The following LRBA variants were observed in gnomAD, a reference collection of about 807,000 sequenced individuals.
The protein encoded by LRBA is LPS responsive beige-like anchor protein.
Under a neutral mutation model 330.0 loss-of-function variants are expected in LRBA, and 176 were observed. The ratio of observed to expected loss-of-function variants is 0.53; its 90% confidence interval spans 0.47 to 0.60. The LOEUF (loss-of-function observed/expected upper bound fraction) is 0.60, where lower values mean the gene tolerates loss of function less well. LRBA is among the 20% of genes least tolerant of loss of function. LRBA has a pLI of 0.00. For synonymous variants in LRBA, 1,230 were observed against 1,193.0 expected, an observed-to-expected ratio of 1.03 and a Z score of -0.64; for missense variants, 3,259 against 3,444.8, an observed-to-expected ratio of 0.95 and a Z score of 1.35.
intron 2 of LRBA, among the ~76,000 whole-genome samples, chr4:151,011,386 T>C (rs553383872): frequency 1.3e-5 from 2 of 151,874 alleles, no homozygotes; most frequent in Non-Finnish European, 1.5e-5. Flanking sequence ...TCACCTGAGG[T>C]CAAGATTTTG....
chr4:150,836,106 T>C (rs1046034872), intron 28 of LRBA, among the ~76,000 whole-genome samples: 2 of 152,238 alleles, frequency 1.3e-5, no homozygotes, highest in Non-Finnish European at 2.9e-5. Flanking sequence ...ATTACGTTTA[T>C]TGATTTCCAT....
At chr4:150,423,760 T>C (rs1749155355) in intron 46 of LRBA, 1 of 172,344 alleles carries the variant, frequency 5.8e-6, no homozygotes, top group Admixed American at 6.3e-5. Flanking sequence ...CTCCGTCCCC[T>C]TAGGGGACGC....
intron 37 of LRBA, among the ~76,000 whole-genome samples, chr4:150,617,357 C>T (rs1421040279): frequency 1.3e-5 from 2 of 152,140 alleles, no homozygotes; most frequent in Non-Finnish European, 2.9e-5. Flanking sequence ...TAACAAGTAG[C>T]GCTGGCTGGA....
chr4:150,393,012 T>TA (rs879480519), intron 47 of LRBA, among the ~76,000 whole-genome samples: 66 of 144,796 alleles, frequency 4.6e-4, no homozygotes, highest in Middle Eastern at 3.5e-3. Flanking sequence ...AACTTAAAGT[T>TA]AAAAAAAAAA....
At chr4:150,935,178 GAAAA>G (rs11294903) in intron 2 of LRBA, among the ~76,000 whole-genome samples, 1 of 138,708 alleles carries the variant, frequency 7.2e-6, no homozygotes. Flanking sequence ...TCCGTCTCAC[GAAAA>G]AAAAAAAAAA....
intron 2 of LRBA, among the ~76,000 whole-genome samples, chr4:150,964,163 G>A (rs1468842314): frequency 6.7e-6 from 1 of 148,850 alleles, no homozygotes; most frequent in Non-Finnish European, 1.5e-5. Context: ...CCCCGTCTGG[G>A]AGGTGGGGGG....
chr4:150,742,188 C>T (rs897405486), intron 35 of LRBA, among the ~76,000 whole-genome samples: 3 of 149,494 alleles, frequency 2.0e-5, no homozygotes, highest in Non-Finnish European at 4.4e-5. Context: ...CTCTGTCACC[C>T]AGGCTGGAGT....
At chr4:150,942,049 A>C (rs556942272) in intron 2 of LRBA, among the ~76,000 whole-genome samples, 3 of 152,334 alleles carry the variant, frequency 2.0e-5, no homozygotes, top group South Asian at 4.1e-4. Context: ...TAAATGTAGA[A>C]TGTCACTAGA....
At chr4:150,625,524 C>A (rs1776759833) in intron 37 of LRBA, among the ~76,000 whole-genome samples, 1 of 151,720 alleles carries the variant, frequency 6.6e-6, no homozygotes, top group South Asian at 2.1e-4. Flanking sequence ...AACTTGAAAA[C>A]CTGCTCCACT....
At chr4:150,431,420 GCT>G (rs1352404012) in intron 46 of LRBA, among the ~76,000 whole-genome samples, 1 of 152,060 alleles carries the variant, frequency 6.6e-6, no homozygotes, top group East Asian at 1.9e-4. Context: ...CCAAAACAAT[GCT>G]CTGAATCTGC....
chr4:150,542,933 C>A (rs1765464813), intron 40 of LRBA, among the ~76,000 whole-genome samples: 1 of 151,832 alleles, frequency 6.6e-6, no homozygotes, highest in Admixed American at 6.6e-5. Context: ...AAAATTAGAC[C>A]AAAATAATTT....
chr4:150,346,698 GCAGTGAGCCAAGATTACACCATTGCACTC>G (rs1314261074), intron 48 of LRBA, among the ~76,000 whole-genome samples: 2 of 141,672 alleles, frequency 1.4e-5, no homozygotes, highest in Admixed American at 7.5e-5. Flanking sequence ...GGCGGAGGTT[GCAGTGAGCCAAGATTACACCATTGCACTC>G]CAGCCTGGCA....
chr4:150,639,777 ATATATGTGTGTGTG>A (rs1353613078), intron 37 of LRBA, among the ~76,000 whole-genome samples: 53 of 3,952 alleles, frequency 0.013, 15 homozygotes, highest in Middle Eastern at 0.14. Context: ...ATATATATAT[ATATATGTGTGTGTG>A]TATATATATA....
At chr4:150,374,778 T>C (rs929489236) in intron 47 of LRBA, among the ~76,000 whole-genome samples, 2 of 152,310 alleles carry the variant, frequency 1.3e-5, no homozygotes, top group African/African-American at 2.4e-5. Context: ...TAAGGGATAC[T>C]CAACTGGTAC....
chr4:150,704,062 T>A (rs1785378015), intron 36 of LRBA, among the ~76,000 whole-genome samples: 1 of 151,968 alleles, frequency 6.6e-6, no homozygotes. Context: ...ATTTTTTTAA[T>A]GTTAGCCAGG....
chr4:150,505,342 T>G (rs569436365), intron 40 of LRBA, among the ~76,000 whole-genome samples: 21,595 of 151,938 alleles, frequency 0.14, 1,506 homozygotes, highest in Middle Eastern at 0.18. Flanking sequence ...AAAGCACTCC[T>G]CAGCAAATGT....
At chr4:150,359,812 C>CTACTAAAAA (rs1490816639) in intron 47 of LRBA, among the ~76,000 whole-genome samples, 39 of 151,772 alleles carry the variant, frequency 2.6e-4, no homozygotes, top group Non-Finnish European at 4.4e-5. Context: ...AACCCCGTCT[C>CTACTAAAAA]TACTAAAAAT....
chr4:150,476,975 C>T (rs1756785508), intron 42 of LRBA, among the ~76,000 whole-genome samples: 1 of 152,166 alleles, frequency 6.6e-6, no homozygotes, highest in African/African-American at 2.4e-5. Context: ...CTCTCACGTC[C>T]TACTGGCTGA....
At chr4:150,576,361 A>G (rs1455534789) in intron 40 of LRBA, among the ~76,000 whole-genome samples, 3 of 151,958 alleles carry the variant, frequency 2.0e-5, no homozygotes, top group African/African-American at 7.2e-5. Context: ...GGTAAGGTCA[A>G]AAGACATATG....
Sources: allele counts gnomAD v4.1 joint callset (sites outside exome capture counted in the v4.1 genomes callset), GRCh38; gene constraint gnomAD v4.1.1; transcripts MANE v1.5; gene names NCBI Gene and HGNC (gene_info 2026-07-23, HGNC 2026-07-21).